The following SPAG16 variants were observed in gnomAD, a reference collection of about 807,000 sequenced individuals.
SPAG16 encodes sperm-associated antigen 16 protein.
Under a neutral mutation model 80.4 loss-of-function variants are expected in SPAG16, and 86 were observed. The ratio of observed to expected loss-of-function variants is 1.07; its 90% CI spans 0.90 to 1.28. The LOEUF (loss-of-function observed/expected upper bound fraction) is 1.28, where lower values mean the gene tolerates loss of function less well. SPAG16 is among the 50% of genes most tolerant of loss of function. The probability of loss-of-function intolerance (pLI) is 0.00; values close to 1 mark genes in which losing one functional copy is unlikely to be tolerated. For missense variants in SPAG16, 870 were observed against 765.3 expected, an observed-to-expected ratio of 1.14 and a Z score of -1.61; for synonymous variants, 294 against 265.9, an observed-to-expected ratio of 1.11 and a Z score of -1.03.
chr2:214,357,801 A>C (rs547134685), intron 15 of SPAG16, among the ~76,000 whole-genome samples: 1 of 151,866 alleles, frequency 6.6e-6, no homozygotes, highest in Admixed American at 6.6e-5. Context: ...TTCTTTGAGA[A>C]CTGGATTTAA....
intron 11 of SPAG16, among the ~76,000 whole-genome samples, chr2:213,913,598 TATGTA>T: frequency 1.2e-4 from 1 of 8,200 alleles, no homozygotes; most frequent in African/African-American, 1.6e-4. Flanking sequence ...CATATATGTA[TATGTA>T]CATGTACATA....
chr2:213,505,014 C>T (rs1026846883), intron 10 of SPAG16, among the ~76,000 whole-genome samples: 2 of 152,172 alleles, frequency 1.3e-5, no homozygotes, highest in Non-Finnish European at 2.9e-5. Context: ...TAGATAAACA[C>T]TTATTTTGGT....
intron 11 of SPAG16, among the ~76,000 whole-genome samples, chr2:213,921,388 A>AT (rs1410148411): frequency 4.0e-5 from 6 of 151,864 alleles, no homozygotes; most frequent in African/African-American, 1.4e-4. Context: ...TACTTGGTTG[A>AT]TTTTTCCCCA....
chr2:213,284,589 GT>G lies in SPAG16; in HGVS notation c.107del (p.Val36GlyfsTer14). ...AGDARDTADA[V>X]AAEGAYYLEQ... ...GGACGCGAGGGACACGGCGGACGCG[GT>G]GGCGGCTGAGGGCGCCTACTACCTG... On this transcript the variant is annotated frameshift_variant, in exon 1 of 16. Coordinates refer to ENST00000331683, the MANE Select transcript of SPAG16 (RefSeq NM_024532.5). LOFTEE classifies it high-confidence loss of function. 1 of 1,609,826 alleles carries G rather than the reference GT, an allele frequency of 6.2e-7. No individual in the cohort carries two copies. The highest frequency in any genetic ancestry group is 8.5e-7 in the Non-Finnish European group (1 of 1,178,692).
intron 10 of SPAG16, among the ~76,000 whole-genome samples, chr2:213,571,881 G>A (rs1409684827): frequency 7.3e-6 from 1 of 137,140 alleles, no homozygotes; most frequent in East Asian, 2.0e-4. Flanking sequence ...ACACCAATCA[G>A]ACATAGATTT....
At chr2:214,041,385 T>C (rs1158848884) in intron 13 of SPAG16, among the ~76,000 whole-genome samples, 1 of 151,926 alleles carries the variant, frequency 6.6e-6, no homozygotes, top group Non-Finnish European at 1.5e-5. Context: ...TTTTGTAGTT[T>C]TTAATAAACA....
chr2:213,830,533 A>G (rs1270979246), intron 10 of SPAG16, among the ~76,000 whole-genome samples: 1 of 152,210 alleles, frequency 6.6e-6, no homozygotes, highest in East Asian at 1.9e-4. Flanking sequence ...GTGTTCCTGC[A>G]GGAAGGATAA....
At chr2:214,045,325 C>T (rs1276389149) in intron 13 of SPAG16, among the ~76,000 whole-genome samples, 2 of 152,142 alleles carry the variant, frequency 1.3e-5, no homozygotes, top group East Asian at 3.9e-4. Flanking sequence ...GGGAAAGACC[C>T]AGTCCTGGCA....
intron 10 of SPAG16, among the ~76,000 whole-genome samples, chr2:213,716,625 C>T (rs540568234): frequency 2.0e-5 from 3 of 152,232 alleles, no homozygotes; most frequent in Non-Finnish European, 4.4e-5. Flanking sequence ...GTTTATAATT[C>T]TTCTGAGGGC....
intron 10 of SPAG16, among the ~76,000 whole-genome samples, chr2:213,639,249 A>G (rs2062493822): frequency 6.6e-6 from 1 of 152,188 alleles, no homozygotes; most frequent in African/African-American, 2.4e-5. Context: ...CAAAGTTAGT[A>G]TTGAGATATG....
chr2:213,796,693 G>A (rs2071055173), intron 10 of SPAG16, among the ~76,000 whole-genome samples: 3 of 151,944 alleles, frequency 2.0e-5, no homozygotes, highest in Non-Finnish European at 2.9e-5. Flanking sequence ...CAAACCTGCT[G>A]CACTTCTAAT....
At chr2:213,957,685 G>A (rs2044219640) in intron 12 of SPAG16, among the ~76,000 whole-genome samples, 1 of 151,670 alleles carries the variant, frequency 6.6e-6, no homozygotes, top group African/African-American at 2.4e-5. Context: ...CAGCATTACT[G>A]TCTTCTTTTG....
chr2:214,242,417 C>T (rs1689559037), intron 15 of SPAG16, among the ~76,000 whole-genome samples: 1 of 152,136 alleles, frequency 6.6e-6, no homozygotes, highest in African/African-American at 2.4e-5. Context: ...TTCTGATTCA[C>T]CCGTGTCAAA....
chr2:213,652,703 A>G (rs1486589488), intron 10 of SPAG16, among the ~76,000 whole-genome samples: 5 of 151,992 alleles, frequency 3.3e-5, no homozygotes, highest in Non-Finnish European at 7.4e-5. Context: ...TATTATTATG[A>G]ATTGGCTTTC....
intron 9 of SPAG16, among the ~76,000 whole-genome samples, chr2:213,460,045 C>A (rs1347445337): frequency 6.6e-6 from 1 of 152,204 alleles, no homozygotes; most frequent in Non-Finnish European, 1.5e-5. Context: ...AGTCCCTCCA[C>A]TGTATGTGAA....
At chr2:213,616,579 A>G (rs2061605544) in intron 10 of SPAG16, among the ~76,000 whole-genome samples, 1 of 152,194 alleles carries the variant, frequency 6.6e-6, no homozygotes, top group Admixed American at 6.5e-5. Flanking sequence ...CTTTTTCTCA[A>G]AATATGATCT....
intron 5 of SPAG16, among the ~76,000 whole-genome samples, chr2:213,321,165 A>G (rs1359118069): frequency 1.3e-5 from 2 of 152,092 alleles, no homozygotes; most frequent in African/African-American, 4.8e-5. Context: ...ATACACAAAA[A>G]AGTCAGGTTG....
intron 9 of SPAG16, chr2:213,396,561 C>T (rs1448234993): frequency 6.8e-6 from 3 of 440,390 alleles, no homozygotes; most frequent in Non-Finnish European, 1.4e-5. Flanking sequence ...GAGAACAGCC[C>T]TCTGTCTAAC....
At chr2:213,563,843 G>C (rs1302862848) in intron 10 of SPAG16, among the ~76,000 whole-genome samples, 1 of 152,146 alleles carries the variant, frequency 6.6e-6, no homozygotes, top group Non-Finnish European at 1.5e-5. Flanking sequence ...AATGTACATG[G>C]CTTCTTTTGG....
Sources: gnomAD v4.1 joint callset for allele counts (sites outside exome capture counted in the v4.1 genomes callset) on GRCh38, gnomAD v4.1.1 for gene constraint, MANE v1.5 for transcripts, NCBI Gene and HGNC (gene_info 2026-07-23, HGNC 2026-07-21) for gene names.